The following PLXNA4 variants were observed in gnomAD, a reference collection of about 807,000 sequenced individuals.
The protein encoded by PLXNA4 is plexin-A4.
A neutral mutation model predicts 191.8 loss-of-function variants in PLXNA4; 44 were observed. The ratio of observed to expected loss-of-function variants is 0.23; its 90% CI spans 0.18 to 0.29. The LOEUF (loss-of-function observed/expected upper bound fraction) is 0.29. Ranked by LOEUF, PLXNA4 falls within the 10% of genes least tolerant of loss-of-function variation. PLXNA4 has a pLI of 1.00. For synonymous variants in PLXNA4, 1,082 were observed against 1,009.5 expected (o/e 1.07, Z -1.36); for missense variants, 1,800 against 2,488.8 (o/e 0.72, Z 5.89).
At chr7:132,593,942 A>G (rs529063840) in intron 2 of PLXNA4, among the ~76,000 whole-genome samples, 199 of 152,358 alleles carry the variant, frequency 1.3e-3, no homozygotes, top group Middle Eastern at 6.8e-3. Context: ...GGTGGGAAGC[A>G]GTTTGCAGTG....
intron 19 of PLXNA4, 127 bp downstream of exon 19, chr7:132,180,459 G>A: frequency 7.1e-7 from 1 of 1,406,436 alleles, no homozygotes; most frequent in Non-Finnish European, 9.6e-7. Flanking sequence ...AGAACTTGGG[G>A]TGTGGGGTAG....
chr7:132,465,317 G>A (rs894142660), intron 3 of PLXNA4, among the ~76,000 whole-genome samples: 4 of 152,298 alleles, frequency 2.6e-5, no homozygotes, highest in South Asian at 4.2e-4. Flanking sequence ...AAACCACTTC[G>A]TACCCACCAA....
chr7:132,370,869 G>A (rs933585103), intron 3 of PLXNA4, among the ~76,000 whole-genome samples: 1 of 152,146 alleles, frequency 6.6e-6, no homozygotes, highest in East Asian at 1.9e-4. Context: ...CCCAGGAGTC[G>A]ACGACTCACT....
chr7:132,373,978 G>T (rs1804553116), intron 3 of PLXNA4, among the ~76,000 whole-genome samples: 1 of 152,082 alleles, frequency 6.6e-6, no homozygotes, highest in Non-Finnish European at 1.5e-5. Context: ...GTGGCCGGGG[G>T]CTCCCCACAC....
At chr7:132,422,156 G>A (rs899811544) in intron 3 of PLXNA4, among the ~76,000 whole-genome samples, 16 of 152,172 alleles carry the variant, frequency 1.1e-4, no homozygotes, top group Middle Eastern at 3.2e-3. Context: ...CCTAGGAGCT[G>A]GAAAACAAGG....
intron 3 of PLXNA4, among the ~76,000 whole-genome samples, chr7:132,326,945 G>GGGAGGGA (rs1802385228): frequency 6.7e-6 from 1 of 148,188 alleles, no homozygotes; most frequent in Non-Finnish European, 1.5e-5. Context: ...AAGAAAGGGA[G>GGGAGGGA]AGAGGGAAGA....
upstream of PLXNA4, among the ~76,000 whole-genome samples, chr7:132,579,032 G>T (rs143109788): frequency 2.4e-4 from 37 of 152,296 alleles, no homozygotes; most frequent in Middle Eastern, 3.4e-3. Context: ...ACTGGGATTA[G>T]CACAAGGCCA....
intron 3 of PLXNA4, among the ~76,000 whole-genome samples, chr7:132,391,667 G>T (rs1793496540): frequency 6.6e-6 from 1 of 152,196 alleles, no homozygotes; most frequent in South Asian, 2.1e-4. Context: ...AGTGCTAAAA[G>T]TGGGGAACCA....
At chr7:132,498,679 G>A (rs1798128330) in intron 2 of PLXNA4, among the ~76,000 whole-genome samples, 1 of 152,124 alleles carries the variant, frequency 6.6e-6, no homozygotes. Context: ...TCCACTGGGG[G>A]ACTTGGAAAG....
intron 2 of PLXNA4, among the ~76,000 whole-genome samples, chr7:132,644,568 A>G (rs1025682230): frequency 3.3e-5 from 5 of 152,166 alleles, no homozygotes; most frequent in African/African-American, 1.2e-4. Context: ...GCGCATTTCA[A>G]TTCAGGGGAG....
At chr7:132,573,561 G>T (rs943003502) in intron 1 of PLXNA4, among the ~76,000 whole-genome samples, 9 of 152,206 alleles carry the variant, frequency 5.9e-5, no homozygotes, top group African/African-American at 1.7e-4. Flanking sequence ...GTGATGAAAA[G>T]GATCCCGAGG....
chr7:132,269,302 T>G (rs1429918306), intron 4 of PLXNA4, among the ~76,000 whole-genome samples: 1 of 152,182 alleles, frequency 6.6e-6, no homozygotes, highest in East Asian at 1.9e-4. Context: ...AGACTATTTT[T>G]TAGAGCAGTT....
At chr7:132,594,976 AATAGATAGATAGATAGATAG>A (rs376281990) in intron 2 of PLXNA4, among the ~76,000 whole-genome samples, 2 of 109,512 alleles carry the variant, frequency 1.8e-5, no homozygotes, top group East Asian at 2.6e-4. Context: ...ATTGATAGAT[AATAGATAGATAGATAGATAG>A]ATAGATAGAT....
intron 3 of PLXNA4, among the ~76,000 whole-genome samples, chr7:132,328,503 C>A (rs970380386): frequency 6.6e-6 from 1 of 152,190 alleles, no homozygotes; most frequent in Non-Finnish European, 1.5e-5. Flanking sequence ...ACCTCCACCA[C>A]CTCTGTTCCA....
chr7:132,381,889 C>T (rs146210005), intron 3 of PLXNA4, among the ~76,000 whole-genome samples: 37 of 152,300 alleles, frequency 2.4e-4, no homozygotes, highest in Middle Eastern at 6.8e-3. Flanking sequence ...GAGCCAGAGG[C>T]GTCTGGTCGT....
intron 3 of PLXNA4, among the ~76,000 whole-genome samples, chr7:132,366,477 T>C (rs964686967): frequency 1.3e-5 from 2 of 151,946 alleles, no homozygotes; most frequent in African/African-American, 2.4e-5. Context: ...TGAGCCGAGA[T>C]TGTGTGACTG....
intron 1 of PLXNA4, among the ~76,000 whole-genome samples, chr7:132,535,286 G>A (rs1488736841): frequency 1.3e-5 from 2 of 152,218 alleles, no homozygotes; most frequent in African/African-American, 2.4e-5. Flanking sequence ...AATGGATGGG[G>A]GCACATGCCA....
chr7:132,289,703 T>C (rs1800815162), intron 4 of PLXNA4, among the ~76,000 whole-genome samples: 1 of 152,186 alleles, frequency 6.6e-6, no homozygotes, highest in Admixed American at 6.5e-5. Flanking sequence ...TGGATAATTT[T>C]TAAATTTTTT....
intron 3 of PLXNA4, among the ~76,000 whole-genome samples, chr7:132,387,077 A>G (rs1056124206): frequency 1.2e-4 from 18 of 152,324 alleles, no homozygotes; most frequent in Admixed American, 1.1e-3. Context: ...GCTCACTCTC[A>G]ATGTCTGTAC....
Sources: gnomAD v4.1 joint callset for allele counts (sites outside exome capture counted in the v4.1 genomes callset) on GRCh38, gnomAD v4.1.1 for gene constraint, MANE v1.5 for transcripts, NCBI Gene and HGNC (gene_info 2026-07-23, HGNC 2026-07-21) for gene names.